Variants in ICE1 observed in about 807,000 individuals in gnomAD.
ICE1 encodes interactor of little elongation complex ELL subunit 1.
Under a neutral mutation model 192.7 loss-of-function variants are expected in ICE1, and 64 were observed. That is an observed-to-expected ratio of 0.33 (90% CI 0.27 to 0.41). The LOEUF (loss-of-function observed/expected upper bound fraction) is 0.41, where lower values mean the gene tolerates loss of function less well. Among genes scored for constraint, ICE1 ranks in the 10% least tolerant of loss-of-function variants. ICE1 has a pLI of 1.00. For missense variants in ICE1, 2,708 were observed against 2,696.0 expected (o/e 1.00, Z -0.10); for synonymous variants, 1,010 against 984.5 (o/e 1.03, Z -0.49).
rs1367347997 is a variant in ICE1, at chr5:5,461,753, G to A, written c.2419G>A (p.Ala807Thr). The change falls in exon 13 of 19, where the codon GCC becomes ACC. Residue 807 changes from alanine to threonine, a missense_variant. Coordinates refer to ENST00000296564, the MANE Select transcript of ICE1 (RefSeq NM_015325.3). The stretch of plus-strand genomic sequence containing the variant: ...GAAAGGTGGCGAAGAAAGTCTGAGA[G>A]CCAAATCAGAACATGAACAGAAGAC... ...LRKGGEESLR[A>T]KSEHEQKTSH... 1.2e-6 allele frequency: 2 copies of A among 1,613,710 alleles called. No homozygotes were observed. The highest frequency in any genetic ancestry group is 2.7e-5 in the African/African-American group (2 of 75,036).
intron 15 of ICE1, among the ~76,000 whole-genome samples, chr5:5,472,991 T>C (rs1203055371): frequency 6.6e-6 from 1 of 152,178 alleles, no homozygotes; most frequent in Non-Finnish European, 1.5e-5. Context: ...CAAAAGTGAA[T>C]TGATAAACAG....
chr5:5,426,676 G>A (rs1433571446), intron 1 of ICE1, among the ~76,000 whole-genome samples: 7 of 152,198 alleles, frequency 4.6e-5, no homozygotes, highest in Non-Finnish European at 8.8e-5. Flanking sequence ...ATGTTAGAGG[G>A]TTAAACAGGG....
chr5:5,435,754 C>T (rs1362098452), intron 1 of ICE1, among the ~76,000 whole-genome samples: 14 of 149,598 alleles, frequency 9.4e-5, no homozygotes, highest in African/African-American at 4.9e-5. Flanking sequence ...ACTGCAACCT[C>T]CGCCTCTCAG....
At position 5,460,835 on chromosome 5, in the gene ICE1, A is replaced by C. The variant is rs1738750027; in HGVS notation, c.1501A>C (p.Ile501Leu). ...TAAGTCAGTACAAACTGAGAAGACC[A>C]TTCATAAACTCACTCGAGGTCTATG... is the stretch of plus-strand genomic sequence containing the variant. ...MDKSVQTEKT[I>L]HKLTRGLCIE... The change falls in exon 13 of 19, where the codon ATT (isoleucine) becomes CTT (leucine). Residue 501 changes from isoleucine (I) to leucine (L), a missense_variant. Ile to Leu is a conservative substitution (Grantham distance 5, BLOSUM62 2). This residue lies in a region of ICE1 where 2,366 missense variants were observed against 2,276.6 expected (regional missense o/e 1.04). Transcript: ENST00000296564. 9 of 1,614,072 alleles carry C rather than the reference A, an allele frequency of 5.6e-6. No individual in the cohort carries two copies. Among genetic ancestry groups the C allele is most frequent in the Non-Finnish European group, 7.6e-6 (9 of 1,179,912 alleles).
chr5:5,439,070 C>T lies in ICE1; in HGVS notation c.179-825C>T, dbSNP rs1260561936. ...GGGAAAGTTATTTCTTCCATAACTG[C>T]ACTATGATAATTCAGTATTTCAGCT... On this transcript the variant is annotated intron_variant, in intron 3 of 18. Coordinates refer to ENST00000296564, the MANE Select transcript of ICE1 (RefSeq NM_015325.3). Among the ~76,000 whole-genome samples the T allele has an allele frequency of 2.6e-5, 4 of 152,056 alleles. No individual in the cohort carries two copies. The East Asian group carries it at 7.7e-4, about 29-fold the overall frequency.
intron 1 of ICE1, among the ~76,000 whole-genome samples, chr5:5,430,825 TC>T (rs1245930813): frequency 6.6e-6 from 1 of 152,248 alleles, no homozygotes; most frequent in Non-Finnish European, 1.5e-5. Flanking sequence ...TGTGGTGTTT[TC>T]TGCATGGTTT....
chr5:5,476,385 A>C (rs1156372682), intron 17 of ICE1, among the ~76,000 whole-genome samples: 1 of 152,172 alleles, frequency 6.6e-6, no homozygotes, highest in Non-Finnish European at 1.5e-5. Flanking sequence ...ATTATACTGT[A>C]GTTTCATTTG....
chr5:5,433,981 G>A (rs1173354622), intron 1 of ICE1, among the ~76,000 whole-genome samples: 1 of 151,418 alleles, frequency 6.6e-6, no homozygotes, highest in African/African-American at 2.4e-5. Flanking sequence ...TGAATCCTCA[G>A]TGTGTTTAAA....
intron 7 of ICE1, among the ~76,000 whole-genome samples, chr5:5,446,787 C>T (rs1411847012): frequency 6.6e-6 from 1 of 152,106 alleles, no homozygotes; most frequent in Non-Finnish European, 1.5e-5. Flanking sequence ...AGGATTGTTA[C>T]TGAGGTGTTT....
chr5:5,464,325 C>A lies in ICE1; in HGVS notation c.4991C>A (p.Ser1664Tyr). 6.2e-7 allele frequency: 1 copy of A among 1,613,782 alleles called. No homozygotes were observed. Among genetic ancestry groups the A allele is most frequent in the Non-Finnish European group, 8.5e-7 (1 of 1,179,854 alleles). Residue 1664 changes from serine to tyrosine, a missense_variant, in exon 13 of 19, where the codon TCT becomes TAT. Coordinates refer to ENST00000296564, the MANE Select transcript of ICE1 (RefSeq NM_015325.3). The surrounding 1 kb of genome is among the most constrained non-coding windows in gnomAD (Gnocchi z 4.0). ...AGTTCTAGTCCTTCCTCACCAGCCT[C>A]TCCTGTTGGCCAGGTTTCTCCCTTC... ...ISSSSPSSPA[S>Y]PVGQVSPFRE...
intron 15 of ICE1, 67 bp from the exon 16 acceptor site, chr5:5,473,491 G>T: frequency 7.4e-7 from 1 of 1,351,940 alleles, no homozygotes; most frequent in Non-Finnish European, 1.0e-6. Flanking sequence ...TAGTCTTTTA[G>T]ATAACTAAGG....
chr5:5,428,554 A>C (rs1737598285), intron 1 of ICE1, among the ~76,000 whole-genome samples: 1 of 152,192 alleles, frequency 6.6e-6, no homozygotes, highest in South Asian at 2.1e-4. Flanking sequence ...CAAATTGTTA[A>C]CATGTTATTG....
chr5:5,443,293 A>G (rs1364070019), intron 6 of ICE1, 49 bp downstream of exon 6: 6 of 1,019,454 alleles, frequency 5.9e-6, no homozygotes, highest in Non-Finnish European at 8.4e-6. Context: ...AGTTTTGAAA[A>G]TACGTAATTC....
chr5:5,474,500 A>G (rs1025136299), intron 16 of ICE1, among the ~76,000 whole-genome samples: 2 of 152,242 alleles, frequency 1.3e-5, no homozygotes, highest in Non-Finnish European at 2.9e-5. Flanking sequence ...GAAGAGAAAT[A>G]TTCAAAATTA....
chr5:5,443,661 G>T lies in ICE1; in HGVS notation c.386+417G>T, dbSNP rs149003393. 2.0e-5 allele frequency among the ~76,000 whole-genome samples: 3 copies of T among 152,234 alleles called. No homozygotes were observed. The East Asian group carries it at 5.8e-4, about 29-fold the overall frequency. ...CTTGCTTTGTGCCAGTGCTTTAACC[G>T]ATAGCATGTGGAATGGGTATCTTTG... On this transcript the variant is annotated intron_variant, in intron 6 of 18. Transcript: ENST00000296564.
chr5:5,475,956 ATGT>A lies in ICE1; in HGVS notation c.6414-12_6414-10del. 6.9e-7 allele frequency: 1 copy of A among 1,454,944 alleles called. No individual in the cohort carries two copies. The highest frequency in any genetic ancestry group is 9.6e-7 in the Non-Finnish European group (1 of 1,039,590). 90.1% of individuals were successfully genotyped at this position (1,454,944 alleles called of 1,614,324 possible). A position where few individuals can be genotyped will look rare whatever the true frequency, so the allele number is the denominator to read the frequency against. On this transcript the variant is annotated splice_polypyrimidine_tract_variant and intron_variant, in intron 16 of 18. Coordinates refer to ENST00000296564, the MANE Select transcript of ICE1 (RefSeq NM_015325.3). The stretch of plus-strand genomic sequence containing the variant: ...AGTGATGATGAGCATACATCTTTTC[ATGT>A]TGTTTTTTTATAGTAAGGAGCTGTG...
intron 17 of ICE1, among the ~76,000 whole-genome samples, chr5:5,483,835 T>C (rs1739571208): frequency 1.3e-5 from 2 of 152,240 alleles, no homozygotes; most frequent in Non-Finnish European, 2.9e-5. Flanking sequence ...TATTCAGTGA[T>C]TTCTATCTGT....
chr5:5,486,955 A>T (rs1291384061), intron 18 of ICE1, 136 bp downstream of exon 18: 1 of 569,308 alleles, frequency 1.8e-6, no homozygotes, highest in Non-Finnish European at 3.1e-6. Flanking sequence ...TTTGCAAAAC[A>T]TTCCAGCATT....
intron 12 of ICE1, 112 bp downstream of exon 12, chr5:5,457,853 G>A (rs1258061113): frequency 8.8e-7 from 1 of 1,137,960 alleles, no homozygotes; most frequent in East Asian, 2.4e-5. Context: ...ATTCATTTTA[G>A]CCAATTTTGT....
Sources: gnomAD v4.1 joint callset for allele counts (sites outside exome capture counted in the v4.1 genomes callset) on GRCh38, gnomAD v4.1.1 for gene constraint, gnomAD v4.1.1 regional missense constraint, Gnocchi (gnomAD v3.1) non-coding constraint, MANE v1.5 for transcripts, NCBI Gene and HGNC (gene_info 2026-07-23, HGNC 2026-07-21) for gene names.